PCDH11X: variants seen among roughly 807,000 people sequenced by gnomAD.
The protein encoded by PCDH11X is protocadherin 11 X-linked.
PCDH11X carries 18 observed loss-of-function variants against 53.3 expected under a neutral mutation model. That is an observed-to-expected ratio of 0.34 (90% CI 0.23 to 0.50). The LOEUF (loss-of-function observed/expected upper bound fraction) is 0.50, where lower values mean the gene tolerates loss of function less well. Among genes scored for constraint, PCDH11X ranks in the 20% least tolerant of loss-of-function variants. The pLI, the probability that PCDH11X is intolerant of heterozygous loss-of-function variation, is 0.98. For synonymous variants in PCDH11X, 279 were observed against 393.3 expected (o/e 0.71, Z 3.44); for missense variants, 570 against 1,032.4 (o/e 0.55, Z 6.14).
chrX:91,982,127 A>G (rs773589065), intron 6 of PCDH11X, among the ~76,000 whole-genome samples: 3 of 110,809 alleles, frequency 2.7e-5, no homozygotes, highest in African/African-American at 9.8e-5. Context: ...CCACCCCAAA[A>G]TGGCACAAAA....
intron 10 of PCDH11X, among the ~76,000 whole-genome samples, chrX:92,529,261 G>A (rs1338547488): frequency 9.0e-6 from 1 of 111,170 alleles, no homozygotes; most frequent in East Asian, 2.8e-4. Flanking sequence ...CATTAGTCAT[G>A]GTTTCCATCA....
chrX:92,100,678 CAG>C (rs1179891976), intron 6 of PCDH11X, among the ~76,000 whole-genome samples: 1 of 110,945 alleles, frequency 9.0e-6, no homozygotes, highest in African/African-American at 3.3e-5. Context: ...GGCTTGGGCT[CAG>C]AGGCCTGACA....
At chrX:91,913,027 G>A (rs183648225) in intron 6 of PCDH11X, among the ~76,000 whole-genome samples, 46 of 111,560 alleles carry the variant, frequency 4.1e-4, no homozygotes, top group African/African-American at 1.4e-3. Context: ...AGTAGCAGTG[G>A]GAAGTGCCTT....
At chrX:91,905,710 T>C (rs1271913424) in intron 6 of PCDH11X, among the ~76,000 whole-genome samples, 2 of 111,768 alleles carry the variant, frequency 1.8e-5, no homozygotes, top group African/African-American at 6.5e-5. Flanking sequence ...GTGGTTTTTT[T>C]CCTCTGTGTC....
chrX:92,479,344 T>C (rs1381718345), intron 10 of PCDH11X, among the ~76,000 whole-genome samples: 1 of 110,554 alleles, frequency 9.0e-6, no homozygotes. Context: ...ATTGAGAGCA[T>C]TTAGCTTGTT....
At chrX:92,106,657 C>T (rs1029587329) in intron 6 of PCDH11X, among the ~76,000 whole-genome samples, 2 of 111,878 alleles carry the variant, frequency 1.8e-5, no homozygotes, top group Non-Finnish European at 3.8e-5. Flanking sequence ...GCCATATTAT[C>T]ATTTATTGGG....
chrX:91,844,566 C>T (rs767188699), intron 5 of PCDH11X, among the ~76,000 whole-genome samples: 56 of 108,612 alleles, frequency 5.2e-4, no homozygotes, highest in African/African-American at 1.8e-3. Context: ...ATTTTCCTAT[C>T]CCCTTTCTAA....
At chrX:92,327,066 C>T (rs1055659690) in intron 8 of PCDH11X, among the ~76,000 whole-genome samples, 3 of 108,605 alleles carry the variant, frequency 2.8e-5, no homozygotes, top group Non-Finnish European at 5.7e-5. Flanking sequence ...TTAAGGAACT[C>T]ACTATAGCGT....
intron 10 of PCDH11X, among the ~76,000 whole-genome samples, chrX:92,482,306 G>C (rs1208963084): frequency 9.2e-6 from 1 of 108,531 alleles, no homozygotes; most frequent in Non-Finnish European, 1.9e-5. Context: ...AACTTTTATT[G>C]GCTACCCACT....
chrX:92,450,039 G>T (rs1198956486), intron 9 of PCDH11X, among the ~76,000 whole-genome samples: 5 of 110,873 alleles, frequency 4.5e-5, no homozygotes, highest in East Asian at 5.7e-4. Context: ...TTCATGAAAT[G>T]GTAAAGATAA....
chrX:91,908,614 G>A (rs1004171756), intron 6 of PCDH11X, among the ~76,000 whole-genome samples: 14 of 109,317 alleles, frequency 1.3e-4, no homozygotes, highest in Non-Finnish European at 2.7e-4. Flanking sequence ...GACCAGACTG[G>A]CCAACATTGT....
chrX:92,390,311 A>C (rs1410844806), intron 9 of PCDH11X, among the ~76,000 whole-genome samples: 1 of 109,031 alleles, frequency 9.2e-6, no homozygotes, highest in African/African-American at 3.3e-5. Context: ...GCAATAATTT[A>C]CTTGAAATGA....
chrX:92,231,350 T>C (rs897936002), intron 7 of PCDH11X, among the ~76,000 whole-genome samples: 8 of 111,905 alleles, frequency 7.1e-5, no homozygotes, highest in Non-Finnish European at 1.5e-4. Context: ...TTGTAATTTT[T>C]ATATGCAAGA....
chrX:92,284,943 T>C (rs1360339327), intron 8 of PCDH11X, among the ~76,000 whole-genome samples: 7 of 111,310 alleles, frequency 6.3e-5, no homozygotes, highest in Admixed American at 5.8e-4. Context: ...TTTGTGTAGC[T>C]AGTGAACTGT....
chrX:92,121,631 C>T (rs748000902), intron 6 of PCDH11X, among the ~76,000 whole-genome samples: 2 of 111,489 alleles, frequency 1.8e-5, no homozygotes, highest in South Asian at 3.8e-4. Context: ...TTTCTTGGAC[C>T]GTATTAGCAA....
intron 9 of PCDH11X, among the ~76,000 whole-genome samples, chrX:92,411,857 GAAGA>G (rs1457255171): frequency 2.2e-4 from 20 of 90,786 alleles, no homozygotes; most frequent in Non-Finnish European, 3.2e-4. Context: ...TGAGAGAAAA[GAAGA>G]AAGAAAGAAA....
rs1274694958 is a variant in PCDH11X at position 91,980,708 on chromosome X, T to A, written c.3033+101435T>A. Reference sequence around the variant, plus strand: ...CTGCGCCCTCCCAAAGTTCTGGGATTACAGGCATGAACCACCATGCCCAGC... The same window carrying A: ...CTGCGCCCTCCCAAAGTTCTGGGATAACAGGCATGAACCACCATGCCCAGC... On this transcript the variant is annotated intron_variant, in intron 6 of 10. Coordinates refer to ENST00000682573, the MANE Select transcript of PCDH11X (RefSeq NM_032968.5). Among the ~76,000 whole-genome samples, 3 of 107,447 alleles carry A rather than the reference T, an allele frequency of 2.8e-5. No individual in the cohort carries two copies. The East Asian group carries it at 8.9e-4, about 32-fold the overall frequency. The allele number at this position is 107,447 out of a possible 115,157, so 93.3% of individuals were successfully genotyped here. A position where few individuals can be genotyped will look rare whatever the true frequency, so the allele number is the denominator to read the frequency against.
chrX:91,825,248 G>A (rs776308649), intron 4 of PCDH11X, among the ~76,000 whole-genome samples: 13 of 109,536 alleles, frequency 1.2e-4, no homozygotes, highest in Non-Finnish European at 2.1e-4. Context: ...GGAAGCCTGG[G>A]CAATGGCGGG....
Position 92,331,372 on chromosome X carries a change from T to TTCCTCCTCCTCCTCCTCCTCC in PCDH11X, c.3145-56343_3145-56342insCTCCTCCTCCTCCTCCTCCTC, listed in dbSNP as rs778767931. On this transcript the variant is annotated intron_variant, in intron 8 of 10. Coordinates refer to ENST00000682573, the MANE Select transcript of PCDH11X (RefSeq NM_032968.5). ...CCCCCTCCTCTTCCTCCTCCTCCTT[T>TTCCTCCTCCTCCTCCTCCTCC]TCCTCCTCCTCCTCCTCCTCTTCCT... is the stretch of plus-strand genomic sequence containing the variant. Among the ~76,000 whole-genome samples the TTCCTCCTCCTCCTCCTCCTCC allele has an allele frequency of 4.0e-3, 333 of 83,403 alleles. 5 individuals carry two copies. Among genetic ancestry groups the TTCCTCCTCCTCCTCCTCCTCC allele is most frequent in the African/African-American group, 0.011 (250 of 21,850 alleles). The allele number at this position is 83,403 out of a possible 115,157, so 72.4% of individuals were successfully genotyped here.
Sources: gnomAD v4.1 joint callset for allele counts (sites outside exome capture counted in the v4.1 genomes callset) on GRCh38, gnomAD v4.1.1 for gene constraint, MANE v1.5 for transcripts, NCBI Gene and HGNC (gene_info 2026-07-23, HGNC 2026-07-21) for gene names.